Variants in MDN1 observed in about 807,000 individuals in gnomAD.
The protein encoded by MDN1 is midasin.
MDN1 carries 266 observed loss-of-function variants against 669.2 expected under a neutral mutation model. That is an observed-to-expected ratio of 0.40 (90% CI 0.36 to 0.44). The LOEUF (loss-of-function observed/expected upper bound fraction) is 0.44, where lower values mean the gene tolerates loss of function less well. Ranked by LOEUF, MDN1 falls within the 20% of genes least tolerant of loss-of-function variation. The pLI, the probability that MDN1 is intolerant of heterozygous loss-of-function variation, is 1.00. For missense variants in MDN1, 5,940 were observed against 6,754.0 expected (o/e 0.88, Z 4.22); for synonymous variants, 2,385 against 2,457.1 (o/e 0.97, Z 0.87).
At position 89,672,696 on chromosome 6, in the gene MDN1, T is replaced by C; in HGVS notation, c.13481A>G (p.Gln4494Arg). Residue 4494 changes from glutamine (Q) to arginine (R), a missense_variant, in exon 81 of 102, where the codon CAA becomes CGA. This residue lies in a region of MDN1 where 2,280 missense variants were observed against 2,576.3 expected (regional missense o/e 0.88). Transcript: ENST00000369393. ...TTCCACAAATCCTTCGTCCAACATT[T>C]GATTTCCTAGCAGGTAACATGGTGC... Reference protein sequence around the residue: ...LLTSDSQGGNQMLDEGFVEDF... With the variant: ...LLTSDSQGGNRMLDEGFVEDF... 6.2e-7 allele frequency: 1 copy of C among 1,613,710 alleles called. No individual in the cohort carries two copies. The highest frequency in any genetic ancestry group is 8.5e-7 in the Non-Finnish European group (1 of 1,179,918).
intron 2 of MDN1, among the ~76,000 whole-genome samples, chr6:89,795,177 G>A (rs529786154): frequency 2.0e-5 from 3 of 152,216 alleles, no homozygotes; most frequent in African/African-American, 4.8e-5. Flanking sequence ...TGTTTACAAC[G>A]GAAAAGGCAC....
chr6:89,815,960 G>A lies in MDN1; in HGVS notation c.102+3546C>T, dbSNP rs72919973. On this transcript the variant is annotated intron_variant, in intron 1 of 101. Coordinates refer to ENST00000369393, the MANE Select transcript of MDN1 (RefSeq NM_014611.3). ...ATATGTTCAAGGCAGAGCACTGTGG[G>A]TGTGCCAGGAGGGGTAGCCCTGTTC... is the stretch of plus-strand genomic sequence containing the variant. 8.2e-3 allele frequency among the ~76,000 whole-genome samples: 1,256 copies of A among 152,326 alleles called. 9 individuals are homozygous for A. The highest frequency in any genetic ancestry group is 0.012 in the Non-Finnish European group (845 of 68,034).
chr6:89,700,054 A>G lies in MDN1; in HGVS notation c.8870+9T>C, dbSNP rs748815510. 13 of 1,611,640 alleles carry G rather than the reference A, an allele frequency of 8.1e-6. No individual in the cohort carries two copies. The highest frequency in any genetic ancestry group is 1.0e-5 in the Non-Finnish European group (12 of 1,177,756). On this transcript the variant is annotated intron_variant, in intron 57 of 101. Coordinates refer to ENST00000369393, the MANE Select transcript of MDN1 (RefSeq NM_014611.3). ...TCCCGCAAGGAAAACAACTGAAAGC[A>G]TGGTTTACCTTCTGAGACAAGCTTG...
Position 89,716,689 on chromosome 6 carries a change from G to C in MDN1, c.6704C>G (p.Ser2235Cys). Residue 2235 changes from serine (S) to cysteine (C), a missense_variant, in exon 44 of 102, where the codon TCT becomes TGT. Physicochemically the swap from Ser to Cys is moderately radical, Grantham distance 112 (BLOSUM62 -1). Coordinates refer to ENST00000369393, the MANE Select transcript of MDN1 (RefSeq NM_014611.3). ...VDSMLVQALK[S>C]GDWLLMDNVN... Reference sequence around the variant, plus strand: ...ATTGTCCATCAGAAGCCAGTCTCCAGACTTCAGGGCCTGAACCAACATGCT... The same window carrying C: ...ATTGTCCATCAGAAGCCAGTCTCCACACTTCAGGGCCTGAACCAACATGCT... 6.2e-7 allele frequency: 1 copy of C among 1,613,550 alleles called. No homozygotes were observed. The highest frequency in any genetic ancestry group is 8.5e-7 in the Non-Finnish European group (1 of 1,179,762).
chr6:89,776,661 T>C lies in MDN1; in HGVS notation c.1760A>G (p.His587Arg), dbSNP rs769822691. ...TTCTGCCATTTTCAGTTTGCTTGTA[T>C]GCTCAGAAAGCATTGCTGTGAAACA... ...LDCFTAMLSE[H>R]TSKLKMAEVI... is the part of the protein sequence containing the mutation. Residue 587 changes from histidine to arginine, a missense_variant, in exon 12 of 102, where the codon CAT becomes CGT. His to Arg is a conservative substitution (Grantham distance 29). Coordinates refer to ENST00000369393, the MANE Select transcript of MDN1 (RefSeq NM_014611.3). 6.8e-6 allele frequency: 11 copies of C among 1,613,144 alleles called. No individual in the cohort carries two copies. Among genetic ancestry groups the C allele is most frequent in the African/African-American group, 6.7e-5 (5 of 74,904 alleles).
At chr6:89,711,984 G>T in intron 49 of MDN1, 52 bp downstream of exon 49, 1 of 1,442,454 alleles carries the variant, frequency 6.9e-7, no homozygotes, top group Non-Finnish European at 9.6e-7. Flanking sequence ...CACTTAAATA[G>T]CATAAGTGTA....
intron 23 of MDN1, 110 bp from the exon 24 acceptor site, chr6:89,750,642 G>T: frequency 1.8e-6 from 2 of 1,099,252 alleles, no homozygotes; most frequent in Non-Finnish European, 2.6e-6. Context: ...TCACTCTGTT[G>T]CCCAGGCTGA....
intron 86 of MDN1, 100 bp downstream of exon 86, chr6:89,662,691 CA>C: frequency 7.6e-7 from 1 of 1,318,426 alleles, no homozygotes; most frequent in African/African-American, 1.5e-5. Context: ...GAGAACAAAA[CA>C]AATACAGAAA....
Position 89,784,726 on chromosome 6 carries a change from G to A in MDN1, c.1449+286C>T, listed in dbSNP as rs563500168. On this transcript the variant is annotated intron_variant, in intron 9 of 101. Transcript: ENST00000369393. ...CTGGGAAAATTTGAATATAATCTAA[G>A]AATTCAATGATACTGAGGAATTACT... Among the ~76,000 whole-genome samples, 24 of 152,054 alleles carry A rather than the reference G, an allele frequency of 1.6e-4. No homozygotes were observed. The South Asian group carries it at 4.6e-3, about 29-fold the overall frequency.
chr6:89,700,637 A>G lies in MDN1; in HGVS notation c.8638+9T>C. On this transcript the variant is annotated intron_variant, in intron 56 of 101. Coordinates refer to ENST00000369393, the MANE Select transcript of MDN1 (RefSeq NM_014611.3). ...ATCTGTCAGCTAGCCAAGTGCTAGA[A>G]TATTTTACCTAGGCTGACATCTTCC... is the stretch of plus-strand genomic sequence containing the variant. 1 of 1,613,224 alleles carries G rather than the reference A, an allele frequency of 6.2e-7. No homozygotes were observed. The highest frequency in any genetic ancestry group is 8.5e-7 in the Non-Finnish European group (1 of 1,179,188).
chr6:89,734,250 A>T (rs1815782273), intron 33 of MDN1, among the ~76,000 whole-genome samples: 1 of 152,054 alleles, frequency 6.6e-6, no homozygotes, highest in Non-Finnish European at 1.5e-5. Context: ...GCACCACTAT[A>T]CTCCAGCCTG....
At chr6:89,677,490 A>C in intron 76 of MDN1, 80 bp downstream of exon 76, 1 of 1,552,140 alleles carries the variant, frequency 6.4e-7, no homozygotes, top group Non-Finnish European at 8.8e-7. Flanking sequence ...TATTTTTGCA[A>C]TGTGCAAATG....
intron 64 of MDN1, among the ~76,000 whole-genome samples, chr6:89,690,378 C>G (rs1476905975): frequency 6.6e-6 from 1 of 152,052 alleles, no homozygotes; most frequent in African/African-American, 2.4e-5. Flanking sequence ...TTTGAGACAG[C>G]CTGGGTGACA....
In MDN1 at chr6:89,795,114, G is replaced by A. The variant is rs541125367; in HGVS notation, c.330-313C>T. The stretch of plus-strand genomic sequence containing the variant: ...GGCATGAGATAATTCTGACTAAGAG[G>A]ATACAAAAATCTAAAGTAATTACCT... On this transcript the variant is annotated intron_variant, in intron 2 of 101. Transcript: ENST00000369393. Among the ~76,000 whole-genome samples the A allele has an allele frequency of 5.9e-5, 9 of 152,218 alleles. No individual in the cohort carries two copies. In the Middle Eastern group the frequency reaches 0.01, roughly 173 times the overall value.
intron 59 of MDN1, among the ~76,000 whole-genome samples, 163 bp from the exon 60 acceptor site, chr6:89,696,737 T>A (rs1812775198): frequency 6.6e-6 from 1 of 152,148 alleles, no homozygotes; most frequent in Non-Finnish European, 1.5e-5. Flanking sequence ...TAGTATACCT[T>A]AAATGAAAGT....
chr6:89,766,267 C>G (rs1270109815), intron 15 of MDN1, among the ~76,000 whole-genome samples: 1 of 151,876 alleles, frequency 6.6e-6, no homozygotes, highest in Non-Finnish European at 1.5e-5. Context: ...CTGCTGCACT[C>G]CAGCCTGGGC....
rs1046886800 is a variant in MDN1, at chr6:89,776,278, A to G, written c.1821+322T>C. On this transcript the variant is annotated intron_variant, in intron 12 of 101. Coordinates refer to ENST00000369393, the MANE Select transcript of MDN1 (RefSeq NM_014611.3). ...GGAGTTTGAGACCAGCCTGACCAAC[A>G]TGGAGAAACCCCATCTCTACTAAAA... Among the ~76,000 whole-genome samples the G allele has an allele frequency of 2.1e-4, 32 of 152,038 alleles. 1 individual carries two copies. The highest frequency in any genetic ancestry group is 7.7e-4 in the African/African-American group (32 of 41,406).
chr6:89,768,729 CCT>C (rs1436853920), intron 15 of MDN1, among the ~76,000 whole-genome samples: 1 of 151,858 alleles, frequency 6.6e-6, no homozygotes, highest in Non-Finnish European at 1.5e-5. Context: ...AGAGTGAGAC[CCT>C]GTCCCCCCCC....
intron 84 of MDN1, among the ~76,000 whole-genome samples, chr6:89,667,696 C>G (rs1426822572): frequency 2.6e-5 from 4 of 152,060 alleles, no homozygotes; most frequent in Non-Finnish European, 5.9e-5. Flanking sequence ...CTTAAGATAG[C>G]CAGGCCTTTT....
Sources: gnomAD v4.1 joint callset for allele counts (sites outside exome capture counted in the v4.1 genomes callset) on GRCh38, gnomAD v4.1.1 for gene constraint, gnomAD v4.1.1 regional missense constraint, MANE v1.5 for transcripts, NCBI Gene and HGNC (gene_info 2026-07-23, HGNC 2026-07-21) for gene names.